Variants in LRFN2 observed in about 807,000 individuals in gnomAD.
The protein encoded by LRFN2 is leucine rich repeat and fibronectin type III domain containing 2.
LRFN2 carries 18 observed loss-of-function variants against 37.3 expected under a neutral mutation model. That is an observed-to-expected ratio of 0.48 (90% confidence interval 0.33 to 0.72). LRFN2 has a LOEUF of 0.72. Among genes scored for constraint, LRFN2 ranks in the 30% least tolerant of loss-of-function variants. The pLI, the probability that LRFN2 is intolerant of heterozygous loss-of-function variation, is 0.02. For missense variants in LRFN2, 1,006 were observed against 1,060.7 expected (o/e 0.95, Z 0.72); for synonymous variants, 556 against 466.6 (o/e 1.19, Z -2.47).
In LRFN2 at chr6:40,437,420, T is replaced by G. The variant is rs372730214; in HGVS notation, c.-18-4289A>C. Among the ~76,000 whole-genome samples the G allele has an allele frequency of 2.8e-3, 424 of 152,028 alleles. 4 individuals carry two copies. Among genetic ancestry groups the G allele is most frequent in the Non-Finnish European group, 3.0e-3 (205 of 68,010 alleles). On this transcript the variant is annotated intron_variant, in intron 1 of 2. Transcript: ENST00000338305. Reference sequence around the variant, plus strand: ...CCCAGACGCTTCCAGATGCATACCCTGGAGCTCAGAGGCACAGAGCCCATT... The same window carrying G: ...CCCAGACGCTTCCAGATGCATACCCGGGAGCTCAGAGGCACAGAGCCCATT...
chr6:40,427,338 C>A (rs1176899146), intron 2 of LRFN2, among the ~76,000 whole-genome samples: 1 of 152,202 alleles, frequency 6.6e-6, no homozygotes, highest in Non-Finnish European at 1.5e-5. Flanking sequence ...CCTTGTGTCC[C>A]AAGACAGCAT....
chr6:40,555,597 A>G (rs1651968751), intron 1 of LRFN2, among the ~76,000 whole-genome samples: 2 of 152,076 alleles, frequency 1.3e-5, no homozygotes, highest in South Asian at 4.1e-4. Flanking sequence ...GAATTGTGAG[A>G]TAATTCTTTC....
At chr6:40,580,514 A>T (rs923736288) in intron 1 of LRFN2, among the ~76,000 whole-genome samples, 4 of 152,210 alleles carry the variant, frequency 2.6e-5, no homozygotes, top group African/African-American at 9.6e-5. Context: ...GTGATAGGTG[A>T]ATCTCTGGAC....
At chr6:40,449,312 C>A (rs1289226230) in intron 1 of LRFN2, among the ~76,000 whole-genome samples, 1 of 152,100 alleles carries the variant, frequency 6.6e-6, no homozygotes, top group African/African-American at 2.4e-5. Context: ...ACAAAATATA[C>A]AAATTTTAAA....
At chr6:40,538,925 G>A (rs996748480) in intron 1 of LRFN2, among the ~76,000 whole-genome samples, 1 of 152,184 alleles carries the variant, frequency 6.6e-6, no homozygotes, top group African/African-American at 2.4e-5. Flanking sequence ...ATGGCCTAGT[G>A]TTGTGGTACC....
chr6:40,494,171 G>C (rs563030340), intron 1 of LRFN2, among the ~76,000 whole-genome samples: 4 of 152,218 alleles, frequency 2.6e-5, no homozygotes, highest in Non-Finnish European at 5.9e-5. Context: ...GGGGGAGACA[G>C]GACATCGGTT....
At chr6:40,431,491 C>T (rs919663610) in intron 2 of LRFN2, among the ~76,000 whole-genome samples, 1 of 152,234 alleles carries the variant, frequency 6.6e-6, no homozygotes, top group Admixed American at 6.5e-5. Context: ...TTTCTTTACA[C>T]ATATCTCTCA....
At chr6:40,575,571 C>T (rs1324013615) in intron 1 of LRFN2, among the ~76,000 whole-genome samples, 5 of 152,206 alleles carry the variant, frequency 3.3e-5, no homozygotes, top group Non-Finnish European at 7.3e-5. Flanking sequence ...AACTTGGCCC[C>T]TTGCCCTGGG....
chr6:40,476,939 C>T (rs142288186), intron 1 of LRFN2, among the ~76,000 whole-genome samples: 1 of 152,350 alleles, frequency 6.6e-6, no homozygotes, highest in East Asian at 1.9e-4. Context: ...ATATCTCAGG[C>T]CTGCTACAAA....
chr6:40,394,160 C>T (rs1762569233), intron 2 of LRFN2, among the ~76,000 whole-genome samples: 1 of 152,016 alleles, frequency 6.6e-6, no homozygotes, highest in Non-Finnish European at 1.5e-5. Flanking sequence ...GGCTGGTCCT[C>T]TCCTGCCTGG....
chr6:40,494,009 T>G (rs1202590461), intron 1 of LRFN2, among the ~76,000 whole-genome samples: 1 of 152,176 alleles, frequency 6.6e-6, no homozygotes, highest in East Asian at 1.9e-4. Context: ...AAGGGTGAAA[T>G]GGACCTCCCC....
chr6:40,409,505 G>A (rs1488652814), intron 2 of LRFN2, among the ~76,000 whole-genome samples: 1 of 152,200 alleles, frequency 6.6e-6, no homozygotes, highest in Non-Finnish European at 1.5e-5. Flanking sequence ...CCATGATGAT[G>A]TTTGCATTTG....
At chr6:40,463,656 A>ATTT (rs1764394412) in intron 1 of LRFN2, among the ~76,000 whole-genome samples, 1 of 124,420 alleles carries the variant, frequency 8.0e-6, no homozygotes, top group Admixed American at 8.7e-5. Context: ...ACATCATACT[A>ATTT]TTTCTTTCTT....
chr6:40,550,807 A>G (rs912555902), intron 1 of LRFN2, among the ~76,000 whole-genome samples: 2 of 152,222 alleles, frequency 1.3e-5, no homozygotes, highest in Admixed American at 1.3e-4. Context: ...GAGGATGAAG[A>G]GGACTCACAG....
At chr6:40,462,900 G>GA (rs1410533273) in intron 1 of LRFN2, among the ~76,000 whole-genome samples, 10 of 152,130 alleles carry the variant, frequency 6.6e-5, no homozygotes, top group Non-Finnish European at 7.4e-5. Context: ...ATGGCTTCCA[G>GA]AAAAAAGACA....
intron 1 of LRFN2, among the ~76,000 whole-genome samples, chr6:40,441,998 C>T (rs1037710443): frequency 1.3e-5 from 2 of 152,172 alleles, no homozygotes; most frequent in African/African-American, 4.8e-5. Flanking sequence ...GCCTTTCTCC[C>T]TCACCCAAGG....
At position 40,420,202 on chromosome 6, in the gene LRFN2, A is replaced by G. The variant is rs146718822; in HGVS notation, c.1400+11512T>C. On this transcript the variant is annotated intron_variant, in intron 2 of 2. Transcript: ENST00000338305. ...TCGTTCATCCACAGTGCTTGGCTGCATGGCCCTGCATTCACCCCGGGGTGG... is the reference window on the plus strand; with the variant it reads ...TCGTTCATCCACAGTGCTTGGCTGCGTGGCCCTGCATTCACCCCGGGGTGG... 5.1e-3 allele frequency among the ~76,000 whole-genome samples: 782 copies of G among 152,342 alleles called. 6 individuals carry two copies. Among genetic ancestry groups the G allele is most frequent in the African/African-American group, 0.018 (742 of 41,586 alleles).
At chr6:40,525,104 AT>A (rs1279441190) in intron 1 of LRFN2, among the ~76,000 whole-genome samples, 1 of 152,180 alleles carries the variant, frequency 6.6e-6, no homozygotes, top group Non-Finnish European at 1.5e-5. Context: ...TGGCCACCTC[AT>A]TTCTGATTCT....
At chr6:40,414,379 T>C (rs969878143) in intron 2 of LRFN2, among the ~76,000 whole-genome samples, 1 of 152,146 alleles carries the variant, frequency 6.6e-6, no homozygotes, top group African/African-American at 2.4e-5. Flanking sequence ...CATGCCTCAG[T>C]TCCCCCCTCC....
Sources: gnomAD v4.1 joint callset for allele counts (sites outside exome capture counted in the v4.1 genomes callset) on GRCh38, gnomAD v4.1.1 for gene constraint, MANE v1.5 for transcripts, NCBI Gene and HGNC (gene_info 2026-07-23, HGNC 2026-07-21) for gene names.